Variants in SLC30A9 observed in about 807,000 individuals in gnomAD.
SLC30A9 encodes the protein proton-coupled zinc antiporter SLC30A9, mitochondrial.
In SLC30A9, 58 loss-of-function variants were observed where a neutral mutation model predicts 87.5. That is an observed-to-expected ratio of 0.66 (90% confidence interval 0.54 to 0.82). The LOEUF is 0.82. SLC30A9 is among the 40% of genes least tolerant of loss of function. The pLI is 0.00. For synonymous variants in SLC30A9, 234 were observed against 233.0 expected, an observed-to-expected ratio of 1.00 and a Z score of -0.04; for missense variants, 557 against 679.1, an observed-to-expected ratio of 0.82 and a Z score of 2.00.
chr4:42,020,387 T>C, intron 3 of SLC30A9, 29 bp from the exon 4 acceptor site: 1 of 1,068,804 alleles, frequency 9.4e-7, no homozygotes, highest in Non-Finnish European at 1.4e-6. Context: ...AATGTGCATA[T>C]TTATTATGTT....
At position 42,018,188 on chromosome 4, in the gene SLC30A9, TA is replaced by T. The variant is rs1244512739; in HGVS notation, c.334+19del. 9.4e-6 allele frequency: 13 copies of T among 1,388,688 alleles called. No individual in the cohort carries two copies. Among genetic ancestry groups the T allele is most frequent in the Non-Finnish European group, 1.3e-5 (13 of 991,042 alleles). The allele number at this position is 1,388,688 out of a possible 1,614,324, so 86.0% of individuals were successfully genotyped here. A position where few individuals can be genotyped will look rare whatever the true frequency, so the allele number is the denominator to read the frequency against. On this transcript the variant is annotated intron_variant, in intron 3 of 17. Coordinates refer to ENST00000264451, the MANE Select transcript of SLC30A9 (RefSeq NM_006345.4). ...AGTAAGAGGTAAATATATTTTATCC[TA>T]TTTTTGTATTATAAAGATGTTTTGA... is the stretch of plus-strand genomic sequence containing the variant.
chr4:42,070,751 G>A lies in SLC30A9; in HGVS notation c.1418+60G>A, dbSNP rs553010587. On this transcript the variant is annotated intron_variant, in intron 15 of 17. Transcript: ENST00000264451. ...CAAAAACATATTAAAAAACAGAAAT[G>A]CCTGGTTTGTAAATACTTCCAGAGG... The A allele has an allele frequency of 3.5e-6, 5 of 1,409,292 alleles. No homozygotes were observed. In the South Asian group the frequency reaches 7.5e-5, roughly 21 times the overall value. The allele number at this position is 1,409,292 out of a possible 1,614,324, so 87.3% of individuals were successfully genotyped here. A position where few individuals can be genotyped will look rare whatever the true frequency, so the allele number is the denominator to read the frequency against.
chr4:42,063,232 A>G, intron 11 of SLC30A9, 111 bp downstream of exon 11: 1 of 927,634 alleles, frequency 1.1e-6, no homozygotes, highest in South Asian at 1.8e-5. Context: ...CACCTTCTTG[A>G]CTGTGTATTG....
At chr4:41,995,155 G>T (rs1051287628) in intron 1 of SLC30A9, among the ~76,000 whole-genome samples, 1 of 152,166 alleles carries the variant, frequency 6.6e-6, no homozygotes, top group African/African-American at 2.4e-5. Context: ...AGCTACTTGG[G>T]AGGCTGAGGT....
intron 1 of SLC30A9, among the ~76,000 whole-genome samples, chr4:42,000,590 T>C (rs1714939331): frequency 6.6e-6 from 1 of 152,094 alleles, no homozygotes; most frequent in African/African-American, 2.4e-5. Flanking sequence ...CTTGAGTGAA[T>C]ACTTATGTTC....
At chr4:41,990,861 C>T in intron 1 of SLC30A9, 101 bp downstream of exon 1, 1 of 833,302 alleles carries the variant, frequency 1.2e-6, no homozygotes, top group Non-Finnish European at 1.9e-6. Context: ...TTGCCTTTCG[C>T]CAACCTCAGA....
intron 6 of SLC30A9, among the ~76,000 whole-genome samples, chr4:42,025,157 C>T (rs541029362): frequency 6.6e-6 from 1 of 152,350 alleles, no homozygotes; most frequent in East Asian, 1.9e-4. Context: ...CTTCACTCTA[C>T]TGGATTACTT....
chr4:42,078,154 T>A, intron 16 of SLC30A9, 58 bp from the exon 17 acceptor site: 6 of 791,904 alleles, frequency 7.6e-6, no homozygotes, highest in Non-Finnish European at 1.2e-5. Flanking sequence ...TAAGGAGTCA[T>A]AAGTGTACCA....
chr4:42,004,813 A>G (rs2581450), intron 2 of SLC30A9, among the ~76,000 whole-genome samples: 98,270 of 151,614 alleles, frequency 0.65, 35,955 homozygotes, highest in East Asian at 0.96. Context: ...TGCCACGCCC[A>G]GCTAATTTAT....
chr4:42,058,605 A>T (rs1045574060), intron 9 of SLC30A9, among the ~76,000 whole-genome samples: 1 of 152,232 alleles, frequency 6.6e-6, no homozygotes, highest in African/African-American at 2.4e-5. Flanking sequence ...AATTTACAGA[A>T]AAAGGAGGTT....
chr4:42,055,037 A>G lies in SLC30A9; in HGVS notation c.841-5154A>G, dbSNP rs942843201. On this transcript the variant is annotated intron_variant, in intron 9 of 17. Coordinates refer to ENST00000264451, the MANE Select transcript of SLC30A9 (RefSeq NM_006345.4). ...TGATTTGAGTTTTTAAAAATGTTCT[A>G]TCAGGGCCGGGCATGGTGGCTCATG... Among the ~76,000 whole-genome samples, 10 of 152,088 alleles carry G rather than the reference A, an allele frequency of 6.6e-5. No homozygotes were observed. In the East Asian group the frequency reaches 7.8e-4, roughly 12 times the overall value.
intron 9 of SLC30A9, among the ~76,000 whole-genome samples, chr4:42,055,731 G>A (rs1717585423): frequency 6.6e-6 from 1 of 152,162 alleles, no homozygotes; most frequent in Admixed American, 6.5e-5. Flanking sequence ...AGAAGACATG[G>A]TTCTTTCTCT....
intron 14 of SLC30A9, 126 bp downstream of exon 14, chr4:42,067,318 T>A: frequency 1.6e-6 from 1 of 614,138 alleles, no homozygotes; most frequent in Non-Finnish European, 2.9e-6. Flanking sequence ...TAATTCCTAC[T>A]AATCATTGAC....
intron 1 of SLC30A9, among the ~76,000 whole-genome samples, chr4:41,998,103 G>C (rs1714803272): frequency 6.6e-6 from 1 of 152,236 alleles, no homozygotes; most frequent in African/African-American, 2.4e-5. Flanking sequence ...ATTTTCTCTG[G>C]AAGCCAGAGT....
Position 41,996,205 on chromosome 4 carries a change from C to T in SLC30A9, c.110-5411C>T, listed in dbSNP as rs544387007. Among the ~76,000 whole-genome samples the T allele has an allele frequency of 2.0e-5, 3 of 152,118 alleles. No individual in the cohort carries two copies. In the South Asian group the frequency reaches 6.2e-4, roughly 32 times the overall value. On this transcript the variant is annotated intron_variant, in intron 1 of 17. Coordinates refer to ENST00000264451, the MANE Select transcript of SLC30A9 (RefSeq NM_006345.4). ...CCACCTCCTGGGTTCAAGCAATTCT[C>T]CTGCCTCAGCCTCCCAAGTAGCTGG... is the stretch of plus-strand genomic sequence containing the variant.
intron 2 of SLC30A9, among the ~76,000 whole-genome samples, chr4:42,015,740 T>C (rs1445945587): frequency 6.6e-6 from 1 of 152,118 alleles, no homozygotes; most frequent in African/African-American, 2.4e-5. Context: ...ACCGCTTCCA[T>C]TTAATCTCCT....
intron 15 of SLC30A9, among the ~76,000 whole-genome samples, chr4:42,072,873 G>T (rs1307599130): frequency 6.7e-6 from 1 of 149,522 alleles, no homozygotes; most frequent in Non-Finnish European, 1.5e-5. Flanking sequence ...GAGTGCAGTG[G>T]CACGATCTTG....
chr4:42,050,890 T>C (rs1055863762), intron 9 of SLC30A9, among the ~76,000 whole-genome samples: 1 of 152,160 alleles, frequency 6.6e-6, no homozygotes, highest in Admixed American at 6.6e-5. Flanking sequence ...CAGAAATCAG[T>C]GTTCAGGGTG....
At chr4:42,051,827 A>G (rs560424970) in intron 9 of SLC30A9, among the ~76,000 whole-genome samples, 17 of 152,244 alleles carry the variant, frequency 1.1e-4, no homozygotes, top group African/African-American at 3.8e-4. Context: ...TCAGAAATAG[A>G]GAATGAAATG....
Sources: allele counts gnomAD v4.1 joint callset (sites outside exome capture counted in the v4.1 genomes callset), GRCh38; gene constraint gnomAD v4.1.1; transcripts MANE v1.5; gene names NCBI Gene and HGNC (gene_info 2026-07-23, HGNC 2026-07-21).